The following NLGN1 variants were observed in gnomAD, a reference collection of about 807,000 sequenced individuals.
The protein encoded by NLGN1 is neuroligin 1.
In NLGN1, 12 loss-of-function variants were observed where a neutral mutation model predicts 65.5. The observed-to-expected ratio is 0.18, with a 90% CI of 0.12 to 0.30. The LOEUF (loss-of-function observed/expected upper bound fraction) is 0.30, where lower values mean the gene tolerates loss of function less well. NLGN1 is among the 10% of genes least tolerant of loss of function. The pLI, the probability that NLGN1 is intolerant of heterozygous loss-of-function variation, is 1.00. For missense variants in NLGN1, 750 were observed against 1,007.1 expected (o/e 0.74, Z 3.46); for synonymous variants, 350 against 359.5 (o/e 0.97, Z 0.30).
intron 2 of NLGN1, among the ~76,000 whole-genome samples, chr3:173,501,922 G>A (rs1427381007): frequency 1.3e-5 from 2 of 151,972 alleles, no homozygotes; most frequent in South Asian, 2.1e-4. Flanking sequence ...ACATACCTTG[G>A]TACAGTCATG....
chr3:173,984,402 T>C (rs1285110485), intron 4 of NLGN1, among the ~76,000 whole-genome samples: 2 of 152,176 alleles, frequency 1.3e-5, no homozygotes, highest in Non-Finnish European at 2.9e-5. Context: ...AAATGCTAAT[T>C]CATTGAGACC....
intron 3 of NLGN1, among the ~76,000 whole-genome samples, chr3:173,748,377 G>C (rs560255433): frequency 6.6e-6 from 1 of 152,100 alleles, no homozygotes; most frequent in Admixed American, 6.6e-5. Flanking sequence ...CTATCTACTG[G>C]GTATGTGCAG....
intron 4 of NLGN1, among the ~76,000 whole-genome samples, chr3:173,905,086 GA>G (rs1401591223): frequency 6.6e-6 from 1 of 152,120 alleles, no homozygotes; most frequent in Non-Finnish European, 1.5e-5. Context: ...CTACCCGCCT[GA>G]TGCAAAGAAC....
intron 4 of NLGN1, among the ~76,000 whole-genome samples, chr3:174,015,739 G>A (rs1726428326): frequency 6.6e-6 from 1 of 152,096 alleles, no homozygotes; most frequent in South Asian, 2.1e-4. Flanking sequence ...CCTGCCCAAG[G>A]TTATTACACC....
chr3:174,147,314 C>G (rs753982589), intron 4 of NLGN1, among the ~76,000 whole-genome samples: 3 of 151,598 alleles, frequency 2.0e-5, no homozygotes, highest in Non-Finnish European at 2.9e-5. Flanking sequence ...ACAGGTCTAC[C>G]GAACAAGAGC....
intron 3 of NLGN1, among the ~76,000 whole-genome samples, chr3:173,745,250 G>A (rs1301502782): frequency 1.3e-5 from 2 of 152,068 alleles, no homozygotes; most frequent in South Asian, 2.1e-4. Flanking sequence ...AAAGGGAAAC[G>A]GAGAGCAGAT....
At chr3:174,212,244 CAGGG>C (rs1479274367) in intron 4 of NLGN1, among the ~76,000 whole-genome samples, 1 of 152,214 alleles carries the variant, frequency 6.6e-6, no homozygotes, top group Non-Finnish European at 1.5e-5. Context: ...CCGGGGCCAG[CAGGG>C]CTGGCCGGCT....
intron 2 of NLGN1, among the ~76,000 whole-genome samples, chr3:173,560,372 G>T (rs1282682236): frequency 6.6e-6 from 1 of 151,942 alleles, no homozygotes; most frequent in Non-Finnish European, 1.5e-5. Flanking sequence ...AGGAAGGAAG[G>T]AAGAAAGAGA....
At chr3:174,070,599 G>A (rs943807244) in intron 4 of NLGN1, among the ~76,000 whole-genome samples, 2 of 151,956 alleles carry the variant, frequency 1.3e-5, no homozygotes, top group African/African-American at 2.4e-5. Flanking sequence ...CAAAGTGTTG[G>A]GATTACAGGT....
intron 4 of NLGN1, among the ~76,000 whole-genome samples, chr3:174,254,804 TCA>T (rs35831949): frequency 0.21 from 32,187 of 151,960 alleles, 3,656 homozygotes; most frequent in East Asian, 0.49. Context: ...AAAACAGGCC[TCA>T]CATATTCATT....
At chr3:174,194,845 A>AT (rs747912107) in intron 4 of NLGN1, among the ~76,000 whole-genome samples, 24 of 140,602 alleles carry the variant, frequency 1.7e-4, no homozygotes, top group African/African-American at 4.1e-4. Flanking sequence ...ACCATTCAAG[A>AT]TTTTTTTTTC....
chr3:173,872,350 T>C (rs1731330299), intron 4 of NLGN1, among the ~76,000 whole-genome samples: 1 of 152,168 alleles, frequency 6.6e-6, no homozygotes, highest in Non-Finnish European at 1.5e-5. Flanking sequence ...TAGACTGCAG[T>C]GTAGTCTGAA....
At chr3:174,171,195 A>G (rs1037346855) in intron 4 of NLGN1, among the ~76,000 whole-genome samples, 5 of 152,164 alleles carry the variant, frequency 3.3e-5, no homozygotes, top group African/African-American at 1.2e-4. Flanking sequence ...CAAATGAAAT[A>G]CATATCTTTT....
chr3:174,260,607 T>C (rs1009169006), intron 4 of NLGN1, among the ~76,000 whole-genome samples: 5 of 132,916 alleles, frequency 3.8e-5, no homozygotes, highest in African/African-American at 1.1e-4. Context: ...ATGAGTAGGT[T>C]GTGAAAATTT....
chr3:173,967,948 A>G (rs1715243433), intron 4 of NLGN1, among the ~76,000 whole-genome samples: 1 of 152,198 alleles, frequency 6.6e-6, no homozygotes, highest in Non-Finnish European at 1.5e-5. Flanking sequence ...TATCCCATTA[A>G]GCAAACTGGA....
intron 2 of NLGN1, among the ~76,000 whole-genome samples, chr3:173,474,391 T>TA (rs1011087851): frequency 1.3e-5 from 2 of 151,774 alleles, no homozygotes; most frequent in Non-Finnish European, 2.9e-5. Context: ...TGCATCTTCC[T>TA]AAAAAAAAGC....
At chr3:173,402,509 A>G (rs1717880019) in intron 1 of NLGN1, among the ~76,000 whole-genome samples, 1 of 152,158 alleles carries the variant, frequency 6.6e-6, no homozygotes, top group African/African-American at 2.4e-5. Flanking sequence ...AAGTACATTC[A>G]TTATCTCAGA....
intron 4 of NLGN1, among the ~76,000 whole-genome samples, chr3:174,029,753 G>C (rs1729565298): frequency 6.6e-6 from 1 of 152,134 alleles, no homozygotes; most frequent in South Asian, 2.1e-4. Flanking sequence ...CATGGGAGTG[G>C]TTTCCCCCAT....
chr3:173,832,680 T>G (rs2150606015), intron 4 of NLGN1, among the ~76,000 whole-genome samples: 1 of 152,380 alleles, frequency 6.6e-6, no homozygotes, highest in Non-Finnish European at 1.5e-5. Flanking sequence ...AATTAACTTC[T>G]ATCTCACGTT....
Sources: gnomAD v4.1 joint callset for allele counts (sites outside exome capture counted in the v4.1 genomes callset) on GRCh38, gnomAD v4.1.1 for gene constraint, MANE v1.5 for transcripts, NCBI Gene and HGNC (gene_info 2026-07-23, HGNC 2026-07-21) for gene names.